The following ANKS1B variants were observed in gnomAD, a reference collection of about 807,000 sequenced individuals.
The protein encoded by ANKS1B is ankyrin repeat and sterile alpha motif domain-containing protein 1B.
A neutral mutation model predicts 148.3 loss-of-function variants in ANKS1B; 36 were observed. The ratio of observed to expected loss-of-function variants is 0.24; its 90% CI spans 0.19 to 0.32. The LOEUF (loss-of-function observed/expected upper bound fraction) is 0.32, where lower values mean the gene tolerates loss of function less well. Ranked by LOEUF, ANKS1B falls within the 10% of genes least tolerant of loss-of-function variation. The pLI, the probability that ANKS1B is intolerant of heterozygous loss-of-function variation, is 1.00. For synonymous variants in ANKS1B, 542 were observed against 560.8 expected, an observed-to-expected ratio of 0.97 and a Z score of 0.47; for missense variants, 1,157 against 1,542.6, an observed-to-expected ratio of 0.75 and a Z score of 4.19.
chr12:98,928,575 T>G (rs2099810915), intron 17 of ANKS1B, among the ~76,000 whole-genome samples: 1 of 151,978 alleles, frequency 6.6e-6, no homozygotes, highest in Non-Finnish European at 1.5e-5. Context: ...ATTAAAAGAA[T>G]TATAACCATG....
rs376171107 is a variant in ANKS1B, at chr12:99,618,432, T to C, written c.1272+36635A>G. On this transcript the variant is annotated intron_variant, in intron 9 of 26. Transcript: ENST00000683438. Reference sequence around the variant, plus strand: ...CAGTAACTTGGAAGTAGCATAAAAATAGTGCATAAAAATCAACTCTGGGGA... The same window carrying C: ...CAGTAACTTGGAAGTAGCATAAAAACAGTGCATAAAAATCAACTCTGGGGA... Among the ~76,000 whole-genome samples, 277 of 152,200 alleles carry C rather than the reference T, an allele frequency of 1.8e-3. 8 individuals carry two copies. In the South Asian group the frequency reaches 0.048, roughly 26 times the overall value.
chr12:99,906,327 C>G lies in ANKS1B; in HGVS notation c.134+77777G>C, dbSNP rs551414210. Among the ~76,000 whole-genome samples, 8 of 152,294 alleles carry G rather than the reference C, an allele frequency of 5.3e-5. No homozygotes were observed. The South Asian group carries it at 1.7e-3, about 32-fold the overall frequency. ...TCTCTTCATCATTAAGTCTCTGTTA[C>G]CCAAAATTCACTCTAATACCATATT... On this transcript the variant is annotated intron_variant, in intron 1 of 26. Transcript: ENST00000683438.
At chr12:99,633,757 T>C (rs982636564) in intron 9 of ANKS1B, among the ~76,000 whole-genome samples, 3 of 152,064 alleles carry the variant, frequency 2.0e-5, no homozygotes, top group Non-Finnish European at 2.9e-5. Flanking sequence ...GGCTAATATC[T>C]AGAATCTACA....
intron 16 of ANKS1B, among the ~76,000 whole-genome samples, chr12:99,057,839 T>C (rs1158214381): frequency 6.6e-6 from 1 of 152,232 alleles, no homozygotes; most frequent in Non-Finnish European, 1.5e-5. Flanking sequence ...GCATAACTCC[T>C]GGTTCTAGGA....
intron 1 of ANKS1B, among the ~76,000 whole-genome samples, chr12:99,919,847 AT>A (rs2094298760): frequency 6.6e-6 from 1 of 152,014 alleles, no homozygotes; most frequent in African/African-American, 2.4e-5. Flanking sequence ...CTCATTAAAA[AT>A]GTTTAGATTG....
chr12:99,160,160 C>T (rs1351660239), intron 14 of ANKS1B, among the ~76,000 whole-genome samples: 1 of 152,080 alleles, frequency 6.6e-6, no homozygotes, highest in Non-Finnish European at 1.5e-5. Flanking sequence ...AATATTTTCT[C>T]CCATTCTGTA....
chr12:99,488,337 C>T (rs751826778), intron 10 of ANKS1B, among the ~76,000 whole-genome samples: 8 of 152,026 alleles, frequency 5.3e-5, no homozygotes, highest in Non-Finnish European at 1.0e-4. Context: ...TTTTGGTTTG[C>T]CATGTTTCTT....
At chr12:98,969,114 G>T (rs2099881044) in intron 17 of ANKS1B, among the ~76,000 whole-genome samples, 1 of 152,208 alleles carries the variant, frequency 6.6e-6, no homozygotes, top group South Asian at 2.1e-4. Flanking sequence ...CTGAGGAGCT[G>T]CCGCCTGGAT....
intron 9 of ANKS1B, among the ~76,000 whole-genome samples, chr12:99,649,125 T>C (rs1170177434): frequency 6.6e-6 from 1 of 152,248 alleles, no homozygotes; most frequent in Admixed American, 6.5e-5. Flanking sequence ...GGCAGGCTGA[T>C]ATGTTGTAGG....
chr12:99,846,170 T>G (rs1565848666), intron 1 of ANKS1B, among the ~76,000 whole-genome samples: 1 of 152,150 alleles, frequency 6.6e-6, no homozygotes. Flanking sequence ...TTTGCTTTTT[T>G]GTTTTATAAT....
chr12:99,780,821 T>C (rs2064223787), intron 5 of ANKS1B, among the ~76,000 whole-genome samples: 1 of 152,208 alleles, frequency 6.6e-6, no homozygotes, highest in South Asian at 2.1e-4. Flanking sequence ...TTTTGAATTG[T>C]TGTCCACAAA....
chr12:99,859,104 T>C (rs1004610838), intron 1 of ANKS1B, among the ~76,000 whole-genome samples: 2 of 152,216 alleles, frequency 1.3e-5, no homozygotes, highest in Non-Finnish European at 2.9e-5. Context: ...CAAAGGAATA[T>C]ACTGATGTAA....
At chr12:99,156,974 A>T (rs2076129379) in intron 14 of ANKS1B, among the ~76,000 whole-genome samples, 1 of 152,232 alleles carries the variant, frequency 6.6e-6, no homozygotes, top group Non-Finnish European at 1.5e-5. Context: ...ATTTAAAATA[A>T]GATAACTTGT....
At chr12:99,473,884 A>G (rs1231140595) in intron 10 of ANKS1B, among the ~76,000 whole-genome samples, 3 of 152,088 alleles carry the variant, frequency 2.0e-5, no homozygotes, top group Admixed American at 6.6e-5. Flanking sequence ...CATGCTAAGC[A>G]TGAGCTTTAA....
At chr12:99,821,201 G>A (rs1185604231) in intron 2 of ANKS1B, among the ~76,000 whole-genome samples, 6 of 151,980 alleles carry the variant, frequency 3.9e-5, no homozygotes, top group Non-Finnish European at 8.8e-5. Flanking sequence ...GCCTACAGAT[G>A]TTAAGTAAAT....
chr12:98,836,402 T>C (rs2099363290), intron 17 of ANKS1B, among the ~76,000 whole-genome samples: 1 of 152,152 alleles, frequency 6.6e-6, no homozygotes, highest in African/African-American at 2.4e-5. Flanking sequence ...CAAGATTCAA[T>C]CCGAGCTGGC....
chr12:99,264,897 T>G (rs976092324), intron 12 of ANKS1B, among the ~76,000 whole-genome samples: 2 of 152,128 alleles, frequency 1.3e-5, no homozygotes, highest in East Asian at 3.9e-4. Flanking sequence ...ATGTGCCTCC[T>G]GCAATTGTGG....
At chr12:99,476,407 A>C (rs2096322636) in intron 10 of ANKS1B, among the ~76,000 whole-genome samples, 1 of 152,136 alleles carries the variant, frequency 6.6e-6, no homozygotes, top group African/African-American at 2.4e-5. Context: ...AAAATAATAA[A>C]ATAAAAATTG....
chr12:99,805,394 T>C (rs1485783041), intron 4 of ANKS1B, among the ~76,000 whole-genome samples: 1 of 145,942 alleles, frequency 6.9e-6, no homozygotes, highest in Non-Finnish European at 1.5e-5. Flanking sequence ...GATGCCAAGG[T>C]GGAAGGATTG....
Sources: gnomAD v4.1 joint callset for allele counts (sites outside exome capture counted in the v4.1 genomes callset) on GRCh38, gnomAD v4.1.1 for gene constraint, MANE v1.5 for transcripts, NCBI Gene and HGNC (gene_info 2026-07-23, HGNC 2026-07-21) for gene names.